The following LIMS1 variants were observed in gnomAD, a reference collection of about 807,000 sequenced individuals.
LIMS1 encodes the protein LIM zinc finger domain containing 1.
A neutral mutation model predicts 44.1 loss-of-function variants in LIMS1; 18 were observed. That is an observed-to-expected ratio of 0.41 (90% confidence interval 0.28 to 0.61). The LOEUF (loss-of-function observed/expected upper bound fraction) is 0.61. LIMS1 is among the 20% of genes least tolerant of loss of function. LIMS1 has a pLI of 0.32. For synonymous variants in LIMS1, 93 were observed against 149.1 expected, an observed-to-expected ratio of 0.62 and a Z score of 2.74; for missense variants, 201 against 422.0, an observed-to-expected ratio of 0.48 and a Z score of 4.59.
chr2:108,606,904 G>T (rs1339488089), intron 1 of LIMS1, among the ~76,000 whole-genome samples: 1 of 152,218 alleles, frequency 6.6e-6, no homozygotes, highest in Non-Finnish European at 1.5e-5. Flanking sequence ...ACAATTAGTT[G>T]TTAGAAGGGG....
At chr2:108,649,137 GA>G (rs1265554304) in intron 1 of LIMS1, among the ~76,000 whole-genome samples, 5 of 151,818 alleles carry the variant, frequency 3.3e-5, no homozygotes, top group Admixed American at 6.6e-5. Flanking sequence ...AAATTTACAA[GA>G]AAAAAACCCC....
At chr2:108,568,905 TTTTTGAGA>T (rs1428767295) in intron 1 of LIMS1, among the ~76,000 whole-genome samples, 1 of 152,196 alleles carries the variant, frequency 6.6e-6, no homozygotes, top group African/African-American at 2.4e-5. Context: ...TTGTTCTTTT[TTTTTGAGA>T]TGGAGTCTCA....
chr2:108,551,838 A>ATG (rs1684734897), intron 1 of LIMS1, among the ~76,000 whole-genome samples: 1 of 146,374 alleles, frequency 6.8e-6, no homozygotes, highest in Non-Finnish European at 1.5e-5. Flanking sequence ...ATATACACAT[A>ATG]TACTGTATAT....
At chr2:108,562,212 GAC>G (rs989843722) in intron 1 of LIMS1, among the ~76,000 whole-genome samples, 2 of 152,132 alleles carry the variant, frequency 1.3e-5, no homozygotes, top group African/African-American at 4.8e-5. Flanking sequence ...TATTCCCTGA[GAC>G]ACAACAATAT....
At chr2:108,649,149 A>G (rs559218450) in intron 1 of LIMS1, among the ~76,000 whole-genome samples, 565 of 152,222 alleles carry the variant, frequency 3.7e-3, no homozygotes, top group Non-Finnish European at 6.1e-3. Context: ...AAAAAACCCC[A>G]TCAAAAAGTG....
At chr2:108,666,409 G>A (rs1444220833) in intron 2 of LIMS1, among the ~76,000 whole-genome samples, 3 of 135,158 alleles carry the variant, frequency 2.2e-5, no homozygotes, top group Non-Finnish European at 4.7e-5. Context: ...TCTCCATCTC[G>A]TGGACTCAGG....
chr2:108,548,888 A>G (rs1684579528), intron 1 of LIMS1, among the ~76,000 whole-genome samples: 2 of 152,220 alleles, frequency 1.3e-5, no homozygotes, highest in African/African-American at 4.8e-5. Context: ...TTTGTTTTGC[A>G]CTGTCATGCT....
intron 1 of LIMS1, among the ~76,000 whole-genome samples, chr2:108,600,690 AT>A (rs1321612704): frequency 6.6e-6 from 1 of 151,872 alleles, no homozygotes; most frequent in Non-Finnish European, 1.5e-5. Context: ...AGGTGTGTGG[AT>A]TTTGTTTCTG....
At chr2:108,618,016 A>G (rs558840905) in intron 1 of LIMS1, among the ~76,000 whole-genome samples, 2 of 152,326 alleles carry the variant, frequency 1.3e-5, no homozygotes, top group East Asian at 3.9e-4. Flanking sequence ...ATGTGGGGGA[A>G]AGCCCCAGGA....
intron 1 of LIMS1, chr2:108,621,361 GCATTACA>G: frequency 6.5e-7 from 1 of 1,550,094 alleles, no homozygotes. Flanking sequence ...AAGTATGACT[GCATTACA>G]GCTTAAAGAG....
intron 1 of LIMS1, among the ~76,000 whole-genome samples, chr2:108,543,871 G>A (rs1038788560): frequency 6.6e-6 from 1 of 152,040 alleles, no homozygotes; most frequent in South Asian, 2.1e-4. Flanking sequence ...TCTGCATCTC[G>A]TTATTGGGCC....
chr2:108,568,965 C>T (rs1489526314), intron 1 of LIMS1, among the ~76,000 whole-genome samples: 1 of 152,084 alleles, frequency 6.6e-6, no homozygotes, highest in Non-Finnish European at 1.5e-5. Context: ...AATCTCAGCT[C>T]ACTGCAACCT....
intron 1 of LIMS1, among the ~76,000 whole-genome samples, chr2:108,546,269 C>CTTTTTTTTTTTT (rs35959257): frequency 1.1e-5 from 1 of 90,870 alleles, no homozygotes; most frequent in Non-Finnish European, 2.0e-5. Context: ...AGGCTACCGC[C>CTTTTTTTTTTTT]TTTTTTTTTT....
intron 7 of LIMS1, among the ~76,000 whole-genome samples, chr2:108,677,096 C>CT (rs1458384066): frequency 1.3e-5 from 2 of 152,226 alleles, no homozygotes; most frequent in Admixed American, 6.5e-5. Flanking sequence ...ATACCGTACT[C>CT]TAACCATTTA....
chr2:108,581,185 A>G (rs1173888506), intron 1 of LIMS1, among the ~76,000 whole-genome samples: 5 of 152,198 alleles, frequency 3.3e-5, no homozygotes, highest in Non-Finnish European at 7.3e-5. Flanking sequence ...GTTAGGCCTT[A>G]TATGTTACCT....
chr2:108,601,964 C>G (rs201551221), intron 1 of LIMS1, among the ~76,000 whole-genome samples: 2 of 56,404 alleles, frequency 3.5e-5, no homozygotes, highest in African/African-American at 7.8e-5. Context: ...TTTTGGTGTT[C>G]TATTCAATTT....
At chr2:108,605,181 C>T (rs1192367222) in intron 1 of LIMS1, among the ~76,000 whole-genome samples, 1 of 152,186 alleles carries the variant, frequency 6.6e-6, no homozygotes, top group African/African-American at 2.4e-5. Flanking sequence ...GCACTCATGA[C>T]ACCCATTGTT....
intron 1 of LIMS1, among the ~76,000 whole-genome samples, chr2:108,613,603 C>T (rs550874900): frequency 6.6e-6 from 1 of 152,314 alleles, no homozygotes; most frequent in African/African-American, 2.4e-5. Context: ...TGGCTCTGCA[C>T]AGCTGTGCTG....
chr2:108,562,539 T>G (rs1001264987), intron 1 of LIMS1, among the ~76,000 whole-genome samples: 1 of 152,226 alleles, frequency 6.6e-6, no homozygotes, highest in African/African-American at 2.4e-5. Context: ...CAACATTCCC[T>G]TAAGTCAAAA....
Sources: gnomAD v4.1 joint callset for allele counts (sites outside exome capture counted in the v4.1 genomes callset) on GRCh38, gnomAD v4.1.1 for gene constraint, MANE v1.5 for transcripts, NCBI Gene and HGNC (gene_info 2026-07-23, HGNC 2026-07-21) for gene names.